ARHGAP39: variants seen among roughly 807,000 people sequenced by gnomAD.
The protein encoded by ARHGAP39 is Rho GTPase activating protein 39.
ARHGAP39 carries 44 observed loss-of-function variants against 106.9 expected under a neutral mutation model. That is an observed-to-expected ratio of 0.41 (90% CI 0.32 to 0.53). The LOEUF is 0.53. Among genes scored for constraint, ARHGAP39 ranks in the 20% least tolerant of loss-of-function variants. ARHGAP39 has a pLI of 0.21. For missense variants in ARHGAP39, 1,496 were observed against 1,577.3 expected (o/e 0.95, Z 0.87); for synonymous variants, 768 against 693.2 (o/e 1.11, Z -1.69).
rs749427496 is a variant in ARHGAP39, at chr8:144,547,619, C to T, written c.1467G>A (p.Pro489=). ...QDTLSSTGYS[P]GTRKRKSRKP... ...TTCTGCTCTTCCGCTTGCGCGTGCC[C>T]GGGGAGTAGCCTGTGGAGGACAGGG... The change falls in exon 5 of 12, where the codon CCG becomes CCA. Residue 489 remains proline (P), a synonymous_variant. Coordinates refer to ENST00000377307, the MANE Select transcript of ARHGAP39 (RefSeq NM_025251.3). The surrounding 1 kb of genome is among the most constrained non-coding windows in gnomAD (Gnocchi z 5.2). 47 of 1,499,070 alleles carry T rather than the reference C, an allele frequency of 3.1e-5. No individual in the cohort carries two copies. The highest frequency in any genetic ancestry group is 3.8e-5 in the Non-Finnish European group (43 of 1,125,646). 92.9% of individuals were successfully genotyped at this position (1,499,070 alleles called of 1,614,324 possible).
chr8:144,640,245 A>G (rs956073932), intron 1 of ARHGAP39, among the ~76,000 whole-genome samples: 16 of 152,162 alleles, frequency 1.1e-4, no homozygotes, highest in African/African-American at 3.9e-4. Context: ...GACAGTTTTC[A>G]TGGCACATGA....
intron 3 of ARHGAP39, among the ~76,000 whole-genome samples, chr8:144,562,368 C>CCCAGTGGTTTCCATCGCGCT (rs1564849274): frequency 1.5e-5 from 2 of 134,498 alleles, no homozygotes; most frequent in Non-Finnish European, 3.2e-5. Flanking sequence ...TCCATCGGAC[C>CCCAGTGGTTTCCATCGCGCT]CCAGTGGTTT....
chr8:144,545,180 C>T (rs1203870852), intron 6 of ARHGAP39, 69 bp downstream of exon 6: 17 of 1,369,590 alleles, frequency 1.2e-5, no homozygotes, highest in Non-Finnish European at 1.5e-5. Flanking sequence ...CCAGCTGCCG[C>T]CCAGCACAGC....
intron 2 of ARHGAP39, among the ~76,000 whole-genome samples, chr8:144,603,438 C>G (rs1016298775): frequency 6.6e-6 from 1 of 152,122 alleles, no homozygotes; most frequent in African/African-American, 2.4e-5. Flanking sequence ...CATCTGTCAT[C>G]CCAGCACTTT....
rs1586582101 is a variant in ARHGAP39, at chr8:144,586,800, T to C, written c.81-5523A>G. 6.6e-6 allele frequency among the ~76,000 whole-genome samples: 1 copy of C among 152,182 alleles called. No individual in the cohort carries two copies. Among genetic ancestry groups the C allele is most frequent in the African/African-American group, 2.4e-5 (1 of 41,430 alleles). ...ACTGGCTGGCCTGGGCTGCTGTCGG[T>C]CTGCTCTGCAGGACAGCAGCCATCA... On this transcript the variant is annotated intron_variant, in intron 2 of 11. Transcript: ENST00000377307. The surrounding 1 kb of genome is among the most constrained non-coding windows in gnomAD (Gnocchi z 4.2).
intron 1 of ARHGAP39, among the ~76,000 whole-genome samples, chr8:144,656,108 A>G (rs1388380575): frequency 1.3e-5 from 2 of 152,170 alleles, no homozygotes; most frequent in South Asian, 4.2e-4. Context: ...GAAATATTAA[A>G]TGAACTTATT....
At chr8:144,572,035 C>A (rs988441347) in intron 3 of ARHGAP39, among the ~76,000 whole-genome samples, 4 of 152,152 alleles carry the variant, frequency 2.6e-5, no homozygotes, top group Non-Finnish European at 5.9e-5. Context: ...GAATCAATAT[C>A]ATTAAAATGG....
At chr8:144,553,424 G>A (rs1488457464) in intron 4 of ARHGAP39, among the ~76,000 whole-genome samples, 1 of 152,186 alleles carries the variant, frequency 6.6e-6, no homozygotes, top group African/African-American at 2.4e-5. Context: ...AACACACAGA[G>A]CACGCGCGTT....
intron 1 of ARHGAP39, among the ~76,000 whole-genome samples, chr8:144,616,659 G>T (rs1036953679): frequency 6.6e-6 from 1 of 152,202 alleles, no homozygotes; most frequent in Admixed American, 6.5e-5. Flanking sequence ...GGCAGGGGGG[G>T]CCCAAGGGCC....
chr8:144,624,171 C>T (rs1820878799), intron 1 of ARHGAP39, among the ~76,000 whole-genome samples: 2 of 152,234 alleles, frequency 1.3e-5, no homozygotes, highest in Non-Finnish European at 2.9e-5. Flanking sequence ...CTGTAAGCCA[C>T]ACCCACCTGC....
intron 1 of ARHGAP39, among the ~76,000 whole-genome samples, chr8:144,637,978 A>T (rs936056791): frequency 1.3e-5 from 2 of 151,764 alleles, no homozygotes; most frequent in Non-Finnish European, 2.9e-5. Context: ...AACAGGCATG[A>T]CCCACCACGC....
chr8:144,534,105 C>T (rs1355721670), intron 8 of ARHGAP39, 24 bp downstream of exon 8: 1 of 1,611,406 alleles, frequency 6.2e-7, no homozygotes, highest in Non-Finnish European at 8.5e-7. Flanking sequence ...CCTGCCCTCC[C>T]CGGCCCCCCA....
At chr8:144,622,340 AC>A (rs796426512) in intron 1 of ARHGAP39, among the ~76,000 whole-genome samples, 7 of 151,128 alleles carry the variant, frequency 4.6e-5, no homozygotes, top group Admixed American at 3.3e-4. Context: ...ATGTCCTCAC[AC>A]CCCCATGGCC....
At chr8:144,674,203 G>C (rs1822173931) in intron 1 of ARHGAP39, among the ~76,000 whole-genome samples, 1 of 152,198 alleles carries the variant, frequency 6.6e-6, no homozygotes, top group Non-Finnish European at 1.5e-5. Context: ...CCATTCAGCA[G>C]GTCCCAAGTT....
At chr8:144,536,451 C>T (rs191451999) in intron 7 of ARHGAP39, among the ~76,000 whole-genome samples, 162 of 152,296 alleles carry the variant, frequency 1.1e-3, no homozygotes, top group Admixed American at 4.6e-4. Flanking sequence ...CTCCCTGCTC[C>T]GCCTGGCTGC....
intron 2 of ARHGAP39, among the ~76,000 whole-genome samples, chr8:144,599,670 T>C (rs1283995202): frequency 6.6e-6 from 1 of 151,746 alleles, no homozygotes; most frequent in African/African-American, 2.4e-5. Context: ...GACAAAAAAA[T>C]CTCTAACTGA....
At chr8:144,540,896 G>A (rs928020104) in intron 6 of ARHGAP39, among the ~76,000 whole-genome samples, 1 of 152,226 alleles carries the variant, frequency 6.6e-6, no homozygotes, top group Non-Finnish European at 1.5e-5. Flanking sequence ...CTGTTGCCCA[G>A]GCTAGAGTGC....
At chr8:144,565,926 TA>T (rs1818377388) in intron 3 of ARHGAP39, among the ~76,000 whole-genome samples, 1 of 78,138 alleles carries the variant, frequency 1.3e-5, no homozygotes, top group Admixed American at 1.5e-4. Flanking sequence ...ACCCCAACTC[TA>T]CAAAAAAAAA....
chr8:144,623,755 C>A (rs974033517), intron 1 of ARHGAP39, among the ~76,000 whole-genome samples: 1 of 152,200 alleles, frequency 6.6e-6, no homozygotes, highest in South Asian at 2.1e-4. Flanking sequence ...CATGAAGCAA[C>A]GTCTGGGCAA....
Sources: allele counts gnomAD v4.1 joint callset (sites outside exome capture counted in the v4.1 genomes callset), GRCh38; gene constraint gnomAD v4.1.1; non-coding constraint Gnocchi (gnomAD v3.1); transcripts MANE v1.5; gene names NCBI Gene and HGNC (gene_info 2026-07-23, HGNC 2026-07-21).